Variants in CCBE1 observed in about 807,000 individuals in gnomAD.
CCBE1 encodes collagen and calcium binding EGF domains 1, also known as collagen and calcium-binding EGF domain-containing protein 1.
A neutral mutation model predicts 50.0 loss-of-function variants in CCBE1; 37 were observed. The ratio of observed to expected loss-of-function variants is 0.74; its 90% confidence interval spans 0.57 to 0.97. CCBE1 has a LOEUF of 0.97. Among genes scored for constraint, CCBE1 ranks in the 50% least tolerant of loss-of-function variants. The probability of loss-of-function intolerance (pLI) is 0.00; values close to 1 mark genes in which losing one functional copy is unlikely to be tolerated. For synonymous variants in CCBE1, 234 were observed against 203.7 expected (o/e 1.15, Z -1.27); for missense variants, 538 against 523.8 (o/e 1.03, Z -0.26).
intron 2 of CCBE1, among the ~76,000 whole-genome samples, chr18:59,683,912 T>C (rs1326564838): frequency 4.0e-5 from 6 of 150,674 alleles, no homozygotes; most frequent in Admixed American, 3.9e-4. Flanking sequence ...TGGTCCCGGC[T>C]GTGCCAAGAC....
chr18:59,600,776 C>T (rs771236751), intron 2 of CCBE1, among the ~76,000 whole-genome samples: 4 of 152,144 alleles, frequency 2.6e-5, no homozygotes, highest in Non-Finnish European at 4.4e-5. Context: ...TCTCTTTCCT[C>T]ATGTAGAGTA....
At chr18:59,528,629 T>C (rs1914923505) in intron 2 of CCBE1, among the ~76,000 whole-genome samples, 1 of 152,222 alleles carries the variant, frequency 6.6e-6, no homozygotes, top group Non-Finnish European at 1.5e-5. Context: ...TTGAGGCTGC[T>C]GACCTTTGGA....
intron 2 of CCBE1, among the ~76,000 whole-genome samples, chr18:59,567,223 A>G (rs2851848): frequency 0.52 from 79,250 of 151,572 alleles, 21,440 homozygotes; most frequent in East Asian, 0.77. Flanking sequence ...GGTTCAAGCG[A>G]TTCTCCTGCT....
intron 2 of CCBE1, among the ~76,000 whole-genome samples, chr18:59,686,830 T>G (rs2054660722): frequency 6.6e-6 from 1 of 152,192 alleles, no homozygotes; most frequent in African/African-American, 2.4e-5. Context: ...CAAAACCAAT[T>G]TTACAGAATT....
At chr18:59,650,009 G>A (rs2054106508) in intron 2 of CCBE1, among the ~76,000 whole-genome samples, 1 of 152,000 alleles carries the variant, frequency 6.6e-6, no homozygotes, top group Non-Finnish European at 1.5e-5. Context: ...CTTGGGGGTG[G>A]GGGAGCACAG....
chr18:59,662,254 G>T (rs1455143574), intron 2 of CCBE1, among the ~76,000 whole-genome samples: 1 of 152,206 alleles, frequency 6.6e-6, no homozygotes, highest in Non-Finnish European at 1.5e-5. Context: ...TGTGACCTCA[G>T]CTGGGAACGT....
In CCBE1 at chr18:59,635,725, G is replaced by T. The variant is rs2053907159; in HGVS notation, c.212+60904C>A. ...AACTTCTAAAAACTGTACAGGAAGA[G>T]TATTTTTAGATTAAAAAAAAAAAGC... is the stretch of plus-strand genomic sequence containing the variant. On this transcript the variant is annotated intron_variant, in intron 2 of 10. Transcript: ENST00000439986. Among the ~76,000 whole-genome samples, 5 of 151,206 alleles carry T rather than the reference G, an allele frequency of 3.3e-5. No individual in the cohort carries two copies. The South Asian group carries it at 1.0e-3, about 32-fold the overall frequency.
chr18:59,640,686 A>G (rs2053975309), intron 2 of CCBE1, among the ~76,000 whole-genome samples: 1 of 152,220 alleles, frequency 6.6e-6, no homozygotes, highest in Non-Finnish European at 1.5e-5. Flanking sequence ...AAAAGCGGCT[A>G]TCAACAGAAC....
At chr18:59,499,853 G>A (rs1913533226) in intron 2 of CCBE1, among the ~76,000 whole-genome samples, 1 of 152,212 alleles carries the variant, frequency 6.6e-6, no homozygotes, top group Non-Finnish European at 1.5e-5. Context: ...TTTGTGTGTG[G>A]TGGTGGGAGT....
intron 2 of CCBE1, among the ~76,000 whole-genome samples, chr18:59,503,519 C>T (rs991224852): frequency 1.3e-5 from 2 of 152,162 alleles, no homozygotes; most frequent in East Asian, 3.9e-4. Context: ...CCTCTTTAGT[C>T]CCAGGACTGA....
At chr18:59,523,382 G>A (rs1231311637) in intron 2 of CCBE1, among the ~76,000 whole-genome samples, 1 of 150,602 alleles carries the variant, frequency 6.6e-6, no homozygotes, top group African/African-American at 2.4e-5. Flanking sequence ...TTCAAAACCT[G>A]GGTCTGTTTC....
At chr18:59,641,225 T>A (rs2053984694) in intron 2 of CCBE1, among the ~76,000 whole-genome samples, 1 of 122,586 alleles carries the variant, frequency 8.2e-6, no homozygotes, top group Admixed American at 8.1e-5. Flanking sequence ...CCAATCAACA[T>A]TACAATGGAT....
intron 3 of CCBE1, among the ~76,000 whole-genome samples, chr18:59,478,823 A>T (rs1323846904): frequency 6.6e-6 from 1 of 152,252 alleles, no homozygotes; most frequent in Non-Finnish European, 1.5e-5. Context: ...AAGTGCAATT[A>T]TTGTGACTTT....
intron 2 of CCBE1, among the ~76,000 whole-genome samples, chr18:59,600,338 A>G (rs539085693): frequency 6.6e-6 from 1 of 152,074 alleles, no homozygotes; most frequent in East Asian, 1.9e-4. Flanking sequence ...TCATTCCCAA[A>G]TGGGACTATC....
intron 2 of CCBE1, among the ~76,000 whole-genome samples, chr18:59,607,903 G>A (rs2053521039): frequency 6.6e-6 from 1 of 152,188 alleles, no homozygotes; most frequent in Non-Finnish European, 1.5e-5. Context: ...GACTAACATG[G>A]TGAAACCCCG....
intron 5 of CCBE1, among the ~76,000 whole-genome samples, chr18:59,464,447 A>C (rs1160598071): frequency 6.6e-6 from 1 of 152,164 alleles, no homozygotes; most frequent in Non-Finnish European, 1.5e-5. Flanking sequence ...AAAACAAAAC[A>C]AAACAAAAAA....
chr18:59,619,403 T>G (rs1313525140), intron 2 of CCBE1, among the ~76,000 whole-genome samples: 2 of 152,196 alleles, frequency 1.3e-5, no homozygotes, highest in Non-Finnish European at 2.9e-5. Context: ...ACTACAACCT[T>G]GAACTCCTAG....
intron 2 of CCBE1, among the ~76,000 whole-genome samples, chr18:59,601,382 A>T (rs2053431538): frequency 1.3e-5 from 2 of 151,946 alleles, no homozygotes; most frequent in South Asian, 4.2e-4. Context: ...ACGAGATCTG[A>T]TGGTTTTATA....
At chr18:59,569,268 C>A (rs573970506) in intron 2 of CCBE1, among the ~76,000 whole-genome samples, 140 of 152,248 alleles carry the variant, frequency 9.2e-4, no homozygotes, top group African/African-American at 3.2e-3. Context: ...TGCCAGAAAC[C>A]GAAGACTCCT....
Sources: allele counts gnomAD v4.1 joint callset (sites outside exome capture counted in the v4.1 genomes callset), GRCh38; gene constraint gnomAD v4.1.1; transcripts MANE v1.5; gene names NCBI Gene and HGNC (gene_info 2026-07-23, HGNC 2026-07-21).